The following ATAD3B variants were observed in gnomAD, a reference collection of about 807,000 sequenced individuals.
The protein encoded by ATAD3B is ATPase family AAA domain containing 3B.
Under a neutral mutation model 70.2 loss-of-function variants are expected in ATAD3B, and 59 were observed. That is an observed-to-expected ratio of 0.84 (90% CI 0.68 to 1.04). ATAD3B has a LOEUF of 1.04. Among genes scored for constraint, ATAD3B ranks in the 50% least tolerant of loss-of-function variants. The pLI, the probability that ATAD3B is intolerant of heterozygous loss-of-function variation, is 0.00. For missense variants in ATAD3B, 961 were observed against 913.4 expected, an observed-to-expected ratio of 1.05 and a Z score of -0.67; for synonymous variants, 423 against 388.6, an observed-to-expected ratio of 1.09 and a Z score of -1.04.
chr1:1,473,761 T>TGG (rs1639452373), intron 1 of ATAD3B, among the ~76,000 whole-genome samples: 1 of 151,626 alleles, frequency 6.6e-6, no homozygotes, highest in African/African-American at 2.4e-5. Flanking sequence ...CCCAAAGTGA[T>TGG]GAGATTACAG....
intron 11 of ATAD3B, among the ~76,000 whole-genome samples, chr1:1,487,124 G>A (rs1333791163): frequency 1.1e-4 from 16 of 152,112 alleles, no homozygotes; most frequent in South Asian, 2.1e-4. Context: ...TTGTGGCCTC[G>A]GCTGTCCTCG....
intron 15 of ATAD3B, among the ~76,000 whole-genome samples, chr1:1,491,170 C>T (rs1262783372): frequency 6.6e-6 from 1 of 151,976 alleles, no homozygotes; most frequent in African/African-American, 2.4e-5. Context: ...GGAGGCACCC[C>T]TCCTGCTGCT....
chr1:1,501,567 T>C (rs896041820), downstream of ATAD3B, among the ~76,000 whole-genome samples: 1 of 152,028 alleles, frequency 6.6e-6, no homozygotes, highest in African/African-American at 2.4e-5. Context: ...ATTTTTGTAT[T>C]TTTAGTAGAG....
At chr1:1,489,018 C>T (rs1392852427) in intron 12 of ATAD3B, among the ~76,000 whole-genome samples, 186 bp from the exon 13 acceptor site, 1 of 151,906 alleles carries the variant, frequency 6.6e-6, no homozygotes, top group Non-Finnish European at 1.5e-5. Flanking sequence ...CTGCCTCAGC[C>T]TCCCAAAATG....
rs760738451 is a variant in ATAD3B at position 1,483,127 on chromosome 1, TA to T, written c.750+521del. The stretch of plus-strand genomic sequence containing the variant: ...GGTAAGAGTGAAACCCTGTCTCTAC[TA>T]AAAAAAAGAAAAAAAAAGAAAAGAA... On this transcript the variant is annotated intron_variant, in intron 7 of 15. Coordinates refer to ENST00000673477, the MANE Select transcript of ATAD3B (RefSeq NM_031921.6). The T allele has an allele frequency of 7.5e-5, 30 of 398,766 alleles. 1 individual carries two copies. Among genetic ancestry groups the T allele is most frequent in the East Asian group, 7.8e-5 (1 of 12,812 alleles). 24.7% of individuals were successfully genotyped at this position (398,766 alleles called of 1,614,324 possible). A position where few individuals can be genotyped will look rare whatever the true frequency, so the allele number is the denominator to read the frequency against.
At chr1:1,505,853 G>A in the ATAD3B span, among the ~76,000 whole-genome samples, 1 of 152,166 alleles carries the variant, frequency 6.6e-6, no homozygotes, top group South Asian at 2.1e-4. Context: ...TCATATCTAA[G>A]ATCTATATCT....
chr1:1,484,925 G>A (rs962849651), intron 7 of ATAD3B, 91 bp from the exon 8 acceptor site: 34 of 1,493,432 alleles, frequency 2.3e-5, no homozygotes, highest in African/African-American at 4.2e-5. Flanking sequence ...TCCCTCAGGC[G>A]GAGAGAGGGT....
intron 15 of ATAD3B, 34 bp downstream of exon 15, chr1:1,490,705 G>C (rs1171174897): frequency 6.5e-7 from 1 of 1,547,926 alleles, no homozygotes; most frequent in East Asian, 2.4e-5. Context: ...ACCCAGACGG[G>C]ACCCCAGCTG....
At chr1:1,498,067 C>G (rs1013920162), downstream of ATAD3B, among the ~76,000 whole-genome samples, 54 of 151,776 alleles carry the variant, frequency 3.6e-4, no homozygotes, top group African/African-American at 1.2e-3. Flanking sequence ...CTTTGGGAGG[C>G]TGAGGCGGGT....
downstream of ATAD3B, among the ~76,000 whole-genome samples, chr1:1,499,023 G>A (rs1026191274): frequency 2.0e-5 from 3 of 150,660 alleles, no homozygotes; most frequent in East Asian, 3.9e-4. Context: ...CTAGGCTGGA[G>A]TGCAGTGGCG....
At chr1:1,494,543 G>A (rs1640683870) in intron 15 of ATAD3B, among the ~76,000 whole-genome samples, 1 of 151,906 alleles carries the variant, frequency 6.6e-6, no homozygotes, top group Admixed American at 6.6e-5. Flanking sequence ...GTGGCGGTCC[G>A]GCTCCGGTCG....
chr1:1,486,052 T>A, intron 9 of ATAD3B, 58 bp from the exon 10 acceptor site: 1 of 1,610,916 alleles, frequency 6.2e-7, no homozygotes, highest in East Asian at 2.2e-5. Context: ...GCAGCCCCTG[T>A]CACCGAGGCT....
intron 4 of ATAD3B, among the ~76,000 whole-genome samples, chr1:1,479,438 G>A (rs527941739): frequency 5.7e-5 from 7 of 123,122 alleles, no homozygotes; most frequent in South Asian, 5.6e-4. Flanking sequence ...ACACTCCCCT[G>A]CACACATGGG....
At chr1:1,477,671 C>T (rs543491839) in intron 2 of ATAD3B, among the ~76,000 whole-genome samples, 31 of 147,616 alleles carry the variant, frequency 2.1e-4, no homozygotes, top group Admixed American at 1.7e-3. Context: ...TTTCACTCAG[C>T]AGGATTTTTT....
intron 1 of ATAD3B, among the ~76,000 whole-genome samples, chr1:1,475,863 T>C (rs1639564476): frequency 1.3e-5 from 2 of 151,104 alleles, no homozygotes; most frequent in African/African-American, 4.9e-5. Flanking sequence ...GGGTAGGAAC[T>C]GTCAATGAGC....
chr1:1,478,940 C>T, intron 3 of ATAD3B, 109 bp from the exon 4 acceptor site: 1 of 696,390 alleles, frequency 1.4e-6, no homozygotes, highest in East Asian at 2.8e-5. Flanking sequence ...CGCGCCTCCC[C>T]ACGTTTGTGT....
At chr1:1,505,467 C>G in the ATAD3B span, among the ~76,000 whole-genome samples, 1 of 152,180 alleles carries the variant, frequency 6.6e-6, no homozygotes, top group African/African-American at 2.4e-5. Flanking sequence ...GCGGGCCTGA[C>G]CCTCCACAAG....
At chr1:1,489,743 G>C in intron 13 of ATAD3B, 1 of 1,309,172 alleles carries the variant, frequency 7.6e-7, no homozygotes, top group Non-Finnish European at 1.0e-6. Flanking sequence ...GGCCGTGGCT[G>C]ACTCTTCAGG....
chr1:1,494,841 C>G lies in ATAD3B; in HGVS notation c.1615-644C>G, dbSNP rs567559106. Among the ~76,000 whole-genome samples, 7 of 152,114 alleles carry G rather than the reference C, an allele frequency of 4.6e-5. No individual in the cohort carries two copies. The South Asian group carries it at 6.2e-4, about 14-fold the overall frequency. On this transcript the variant is annotated intron_variant, in intron 15 of 15. Coordinates refer to ENST00000673477, the MANE Select transcript of ATAD3B (RefSeq NM_031921.6). ...CTAGTGGGGGTCCCCACACCCTCAC[C>G]CTGACCCATGGGTGCCTCCCCTTGG...
Sources: gnomAD v4.1 joint callset for allele counts (sites outside exome capture counted in the v4.1 genomes callset) on GRCh38, gnomAD v4.1.1 for gene constraint, MANE v1.5 for transcripts, NCBI Gene and HGNC (gene_info 2026-07-23, HGNC 2026-07-21) for gene names.